Variants in SENP3 observed in about 807,000 individuals in gnomAD.
The protein encoded by SENP3 is SUMO specific peptidase 3.
SENP3 carries 11 observed loss-of-function variants against 66.2 expected under a neutral mutation model. The observed-to-expected ratio is 0.17, with a 90% CI of 0.10 to 0.28. The LOEUF (loss-of-function observed/expected upper bound fraction) is 0.28. Among genes scored for constraint, SENP3 ranks in the 10% least tolerant of loss-of-function variants. The pLI is 1.00. For missense variants in SENP3, 548 were observed against 743.7 expected (o/e 0.74, Z 3.06); for synonymous variants, 292 against 277.6 (o/e 1.05, Z -0.52).
At chr17:7,563,927 G>T in intron 2 of SENP3, 136 bp downstream of exon 2, 1 of 745,346 alleles carries the variant, frequency 1.3e-6, no homozygotes, top group Non-Finnish European at 2.1e-6. Flanking sequence ...CTCCAGAAGA[G>T]CTGCGAAATG....
chr17:7,571,886 T>TGCC lies in SENP3; in HGVS notation c.*403_*404insGCC, dbSNP rs2071325420. ...ATATATATATATATATATATATATA[T>TGCC]ATATATATATATATATATATATAAA... is the stretch of plus-strand genomic sequence containing the variant. On this transcript the variant is annotated 3_prime_UTR_variant, in exon 11 of 11. Transcript: ENST00000321337. 9.1e-5 allele frequency: 1 copy of TGCC among 10,958 alleles called. No homozygotes were observed. Among genetic ancestry groups the TGCC allele is most frequent in the Non-Finnish European group, 2.1e-4 (1 of 4,654 alleles). 0.7% of individuals were successfully genotyped at this position (10,958 alleles called of 1,614,324 possible). A position where few individuals can be genotyped will look rare whatever the true frequency, so the allele number is the denominator to read the frequency against.
chr17:7,568,548 C>T (rs1467006653), intron 7 of SENP3, among the ~76,000 whole-genome samples: 1 of 152,088 alleles, frequency 6.6e-6, no homozygotes, highest in African/African-American at 2.4e-5. Flanking sequence ...GAGATTGTGC[C>T]ACTGCACTCC....
chr17:7,569,080 A>G (rs2071290174), intron 7 of SENP3, among the ~76,000 whole-genome samples: 1 of 152,170 alleles, frequency 6.6e-6, no homozygotes, highest in African/African-American at 2.4e-5. Flanking sequence ...GTGAGAGTAT[A>G]GTAGGAAAGA....
chr17:7,562,470 G>A lies in SENP3; in HGVS notation c.-12+207G>A, dbSNP rs1253279592. Among the ~76,000 whole-genome samples, 1 of 152,274 alleles carries A rather than the reference G, an allele frequency of 6.6e-6. No individual in the cohort carries two copies. The highest frequency in any genetic ancestry group is 1.5e-5 in the Non-Finnish European group (1 of 68,044). ...AGTAGGAGGGGGCTGGGCCGGCCTG[G>A]CTTGTGCGCTCCGTTCTGTCCCAGC... On this transcript the variant is annotated intron_variant, in intron 1 of 10. Transcript: ENST00000321337. This position sits in a 1 kb window ranked among gnomAD's most constrained non-coding sequence, Gnocchi z 5.0.
rs532643166 is a variant in SENP3, at chr17:7,562,076, AGGCGGCGCGGCGGGGTGCTC to A, written c.-187_-168del. The A allele has an allele frequency of 1.1e-3, 454 of 399,344 alleles. 1 individual carries two copies. The highest frequency in any genetic ancestry group is 7.9e-3 in the African/African-American group (382 of 48,534). 24.7% of individuals were successfully genotyped at this position (399,344 alleles called of 1,614,324 possible). A position where few individuals can be genotyped will look rare whatever the true frequency, so the allele number is the denominator to read the frequency against. On this transcript the variant is annotated 5_prime_UTR_variant, in exon 1 of 11. Coordinates refer to ENST00000321337, the MANE Select transcript of SENP3 (RefSeq NM_015670.6). The surrounding 1 kb of genome is among the most constrained non-coding windows in gnomAD (Gnocchi z 5.0). Reference sequence around the variant, plus strand: ...GAAGCTGAAGCTGAAGCAGAGCCAGAGGCGGCGCGGCGGGGTGCTCGGCGGCGCGGCACGCGGCCCAGAAG... The same window carrying A: ...GAAGCTGAAGCTGAAGCAGAGCCAGAGGCGGCGCGGCACGCGGCCCAGAAG...
rs530349520 is a variant in SENP3, at chr17:7,562,356, T to C, written c.-12+93T>C. On this transcript the variant is annotated intron_variant, in intron 1 of 10. Transcript: ENST00000321337. The surrounding 1 kb of genome is among the most constrained non-coding windows in gnomAD (Gnocchi z 5.0). ...CCGAACCGGGGCCCAGAGGCCCGCA[T>C]AGGGGCTTCTTAAGGCCCGTGTGCG... 1.3e-3 allele frequency: 523 copies of C among 395,204 alleles called. 1 individual carries two copies. Among genetic ancestry groups the C allele is most frequent in the Admixed American group, 3.6e-3 (81 of 22,624 alleles). 24.5% of individuals were successfully genotyped at this position (395,204 alleles called of 1,614,324 possible).
At position 7,570,930 on chromosome 17, in the gene SENP3, G is replaced by A. The variant is rs746939766; in HGVS notation, c.1611G>A (p.Leu537=). The A allele has an allele frequency of 1.2e-6, 2 of 1,613,208 alleles. No homozygotes were observed. The highest frequency in any genetic ancestry group is 1.1e-5 in the South Asian group (1 of 90,894). ...NNDSDCGAFV[L]QYCKHLALSQ... Reference sequence around the variant, plus strand: ...ACAGTGACTGTGGTGCTTTTGTGTTGCAGGTAAGCAGATGATGGGGCCACC... The same window carrying A: ...ACAGTGACTGTGGTGCTTTTGTGTTACAGGTAAGCAGATGATGGGGCCACC... Residue 537 remains leucine (L), a synonymous_variant, in exon 10 of 11, where the codon TTG becomes TTA. Transcript: ENST00000321337. The surrounding 1 kb of genome is among the most constrained non-coding windows in gnomAD (Gnocchi z 5.4).
chr17:7,562,435 CCGAGGATGAAGTAGGAGGGGGCTGGG>C lies in SENP3; in HGVS notation c.-12+174_-12+199del, dbSNP rs2071225315. Among the ~76,000 whole-genome samples, 1 of 152,258 alleles carries C rather than the reference CCGAGGATGAAGTAGGAGGGGGCTGGG, an allele frequency of 6.6e-6. No individual in the cohort carries two copies. Among genetic ancestry groups the C allele is most frequent in the African/African-American group, 2.4e-5 (1 of 41,466 alleles). On this transcript the variant is annotated intron_variant, in intron 1 of 10. Coordinates refer to ENST00000321337, the MANE Select transcript of SENP3 (RefSeq NM_015670.6). This position sits in a 1 kb window ranked among gnomAD's most constrained non-coding sequence, Gnocchi z 5.0. Reference sequence around the variant, plus strand: ...CTGGTGCCGGGTTGCATTCTGGTCCCCGAGGATGAAGTAGGAGGGGGCTGGGCCGGCCTGGCTTGTGCGCTCCGTTC... The same window carrying C: ...CTGGTGCCGGGTTGCATTCTGGTCCCCCGGCCTGGCTTGTGCGCTCCGTTC...
chr17:7,566,869 T>C, intron 6 of SENP3, 58 bp from the exon 7 acceptor site: 1 of 1,231,996 alleles, frequency 8.1e-7, no homozygotes. Context: ...AGGGGAGACT[T>C]AGTGGGAGAG....
At chr17:7,569,595 T>C (rs1009385485) in intron 7 of SENP3, among the ~76,000 whole-genome samples, 1 of 152,246 alleles carries the variant, frequency 6.6e-6, no homozygotes, top group Admixed American at 6.5e-5. Context: ...CTAGGCAGGA[T>C]GATTGGCTCC....
In SENP3 at chr17:7,562,523, C is replaced by T. The variant is rs907121576; in HGVS notation, c.-12+260C>T. On this transcript the variant is annotated intron_variant, in intron 1 of 10. Transcript: ENST00000321337. This position sits in a 1 kb window ranked among gnomAD's most constrained non-coding sequence, Gnocchi z 5.0. Reference sequence around the variant, plus strand: ...CTTGATTCGGTTCTCTTTAAGTTTCCTTCAAAGTTCTTCCCCGTTTATCAG... The same window carrying T: ...CTTGATTCGGTTCTCTTTAAGTTTCTTTCAAAGTTCTTCCCCGTTTATCAG... Among the ~76,000 whole-genome samples the T allele has an allele frequency of 5.3e-5, 8 of 152,254 alleles. No homozygotes were observed. The highest frequency in any genetic ancestry group is 1.9e-4 in the East Asian group (1 of 5,204).
chr17:7,563,597 G>C lies in SENP3; in HGVS notation c.521G>C (p.Gly174Ala). ...AACCATCTTTCACCCCAGCAAGGGG[G>C]TGCGACGCCACAGGTGCCATCCCCC... Reference protein sequence around the residue: ...PKNHLSPQQGGATPQVPSPCC... With the variant: ...PKNHLSPQQGAATPQVPSPCC... Residue 174 changes from glycine (G) to alanine (A), a missense_variant, in exon 2 of 11, where the codon GGT becomes GCT. Physicochemically the swap from Gly to Ala is moderately conservative, Grantham distance 60 (BLOSUM62 0). Around this residue, in one of 6 missense-constraint regions of SENP3, gnomAD observed 215 missense variants for 230.7 expected, o/e 0.93. Transcript: ENST00000321337. 6.4e-7 allele frequency: 1 copy of C among 1,574,674 alleles called. No individual in the cohort carries two copies. The highest frequency in any genetic ancestry group is 8.6e-7 in the Non-Finnish European group (1 of 1,161,682).
At position 7,571,690 on chromosome 17, in the gene SENP3, C is replaced by T; in HGVS notation, c.*207C>T. 1 of 470,302 alleles carries T rather than the reference C, an allele frequency of 2.1e-6. No individual in the cohort carries two copies. Among genetic ancestry groups the T allele is most frequent in the East Asian group, 4.0e-5 (1 of 25,034 alleles). 29.1% of individuals were successfully genotyped at this position (470,302 alleles called of 1,614,324 possible). On this transcript the variant is annotated 3_prime_UTR_variant, in exon 11 of 11. Transcript: ENST00000321337. ...GTGCAGGGGGTGGCTACAGAAAAGCCCCTTTCTTCCTCTGTTTGCAGGGGA... is the reference window on the plus strand; with the variant it reads ...GTGCAGGGGGTGGCTACAGAAAAGCTCCTTTCTTCCTCTGTTTGCAGGGGA...
chr17:7,566,042 AAAG>A, intron 6 of SENP3: 1 of 296,038 alleles, frequency 3.4e-6, no homozygotes, highest in Non-Finnish European at 6.0e-6. Flanking sequence ...TTAAAAAAAA[AAAG>A]AAAAAGAAAA....
At position 7,571,431 on chromosome 17, in the gene SENP3, A is replaced by G. The variant is rs772522893; in HGVS notation, c.1673A>G (p.Lys558Arg). The stretch of plus-strand genomic sequence containing the variant: ...AGCTTCACCCAGCAGGACATGCCCA[A>G]ACTTCGTCGGCAGATCTACAAGGAG... ...PFSFTQQDMP[K>R]LRRQIYKELC... The change falls in exon 11 of 11, where the codon AAA (lysine) becomes AGA (arginine). Residue 558 changes from lysine to arginine, a missense_variant. By Grantham distance (26) the Lys-to-Arg change is conservative. Transcript: ENST00000321337. 13 of 1,605,388 alleles carry G rather than the reference A, an allele frequency of 8.1e-6. No homozygotes were observed. The highest frequency in any genetic ancestry group is 6.7e-5 in the African/African-American group (5 of 74,354).
chr17:7,565,211 A>C (rs2071258419), intron 4 of SENP3, 141 bp downstream of exon 4: 1 of 807,218 alleles, frequency 1.2e-6, no homozygotes, highest in Non-Finnish European at 2.0e-6. Flanking sequence ...GGCAGGTGCC[A>C]AATCCTTGGA....
chr17:7,565,448 T>C lies in SENP3; in HGVS notation c.1076T>C (p.Leu359Pro). 1 of 1,613,738 alleles carries C rather than the reference T, an allele frequency of 6.2e-7. No homozygotes were observed. Among genetic ancestry groups the C allele is most frequent in the Non-Finnish European group, 8.5e-7 (1 of 1,179,796 alleles). ...ACCCTTGGCCTACTCAGGAAGGGCC[T>C]GGTGTTGCAGCTGATCCAGTCTTAC... is the stretch of plus-strand genomic sequence containing the variant. ...QEFSTPSRKG[L>P]VLQLIQSYQR... The change falls in exon 5 of 11, where the codon CTG becomes CCG. Residue 359 changes from leucine to proline, a missense_variant. By Grantham distance (98) the Leu-to-Pro change is moderately conservative (BLOSUM62 -3). Transcript: ENST00000321337.
chr17:7,570,587 C>T lies in SENP3; in HGVS notation c.1479+94C>T, dbSNP rs184001430. ...GGGTGGGCTTTGGGTCTTTGAGGGG[C>T]GACCTGGGCATGGTGTCTGCCAGCA... On this transcript the variant is annotated intron_variant, in intron 8 of 10. Transcript: ENST00000321337. The surrounding 1 kb of genome is among the most constrained non-coding windows in gnomAD (Gnocchi z 5.4). 806 of 1,564,620 alleles carry T rather than the reference C, an allele frequency of 5.2e-4. 3 individuals are homozygous for T. In the African/African-American group the frequency reaches 7.6e-3, roughly 15 times the overall value.
chr17:7,566,622 T>G (rs1009806380), intron 6 of SENP3, among the ~76,000 whole-genome samples: 4 of 149,198 alleles, frequency 2.7e-5, no homozygotes, highest in Non-Finnish European at 5.9e-5. Context: ...GTCGAAATCA[T>G]GCCACTGCAC....
Sources: allele counts gnomAD v4.1 joint callset (sites outside exome capture counted in the v4.1 genomes callset), GRCh38; gene constraint gnomAD v4.1.1; regional missense constraint gnomAD v4.1.1; non-coding constraint Gnocchi (gnomAD v3.1); transcripts MANE v1.5; gene names NCBI Gene and HGNC (gene_info 2026-07-23, HGNC 2026-07-21).